The following STARD10 variants were observed in gnomAD, a reference collection of about 807,000 sequenced individuals.
STARD10 encodes the protein START domain-containing protein 10.
A neutral mutation model predicts 36.0 loss-of-function variants in STARD10; 24 were observed. The observed-to-expected ratio is 0.67, with a 90% CI of 0.48 to 0.94. The LOEUF (loss-of-function observed/expected upper bound fraction) is 0.94, where lower values mean the gene tolerates loss of function less well. Ranked by LOEUF, STARD10 falls within the 40% of genes least tolerant of loss-of-function variation. The probability of loss-of-function intolerance (pLI) is 0.00; values close to 1 mark genes in which losing one functional copy is unlikely to be tolerated. For missense variants in STARD10, 335 were observed against 396.6 expected (o/e 0.84, Z 1.32); for synonymous variants, 156 against 161.9 (o/e 0.96, Z 0.28).
intron 5 of STARD10, among the ~76,000 whole-genome samples, chr11:72,756,699 GA>G (rs1157341067): frequency 1.3e-5 from 2 of 152,040 alleles, no homozygotes; most frequent in Non-Finnish European, 2.9e-5. Context: ...GGGCAATGGA[GA>G]GCCACAGAGT....
chr11:72,784,156 A>G (rs370526557), intron 1 of STARD10, among the ~76,000 whole-genome samples: 1 of 152,328 alleles, frequency 6.6e-6, no homozygotes, highest in East Asian at 1.9e-4. Context: ...CTCAAACGTG[A>G]CAAAGCCCAT....
Position 72,755,046 on chromosome 11 carries a change from G to C in STARD10, c.727C>G (p.Pro243Ala). 6.2e-7 allele frequency: 1 copy of C among 1,613,258 alleles called. No individual in the cohort carries two copies. Among genetic ancestry groups the C allele is most frequent in the Non-Finnish European group, 8.5e-7 (1 of 1,179,716 alleles). Reference protein sequence around the residue: ...FKPWLHPEQSPLPSLALSELS... With the variant: ...FKPWLHPEQSALPSLALSELS... ...TCCGACAGCGCCAGGCTCGGCAACG[G>C]GCTCTGCTCCGGGTGCAGCCACGGC... is the stretch of plus-strand genomic sequence containing the variant. The change falls in exon 7 of 7, where the codon CCG (proline) becomes GCG (alanine). Residue 243 changes from proline (P) to alanine (A), a missense_variant. Coordinates refer to ENST00000334805, the MANE Select transcript of STARD10 (RefSeq NM_006645.3).
At chr11:72,771,292 G>A (rs1362111122) in intron 2 of STARD10, among the ~76,000 whole-genome samples, 1 of 152,304 alleles carries the variant, frequency 6.6e-6, no homozygotes, top group East Asian at 1.9e-4. Context: ...TTTTGAGGGT[G>A]TGTGTGGAGT....
intron 2 of STARD10, among the ~76,000 whole-genome samples, chr11:72,766,625 C>T (rs1463448943): frequency 6.6e-6 from 1 of 152,122 alleles, no homozygotes; most frequent in African/African-American, 2.4e-5. Context: ...CTCTCTCCCG[C>T]CCCCTGACTG....
At chr11:72,778,171 A>C (rs1278813815) in intron 2 of STARD10, among the ~76,000 whole-genome samples, 3 of 152,228 alleles carry the variant, frequency 2.0e-5, no homozygotes, top group Non-Finnish European at 4.4e-5. Context: ...GTTAAAGGCC[A>C]CAGTGTTGAC....
chr11:72,777,858 TG>T (rs1858946188), intron 2 of STARD10, among the ~76,000 whole-genome samples: 1 of 151,806 alleles, frequency 6.6e-6, no homozygotes, highest in Non-Finnish European at 1.5e-5. Context: ...ACCCCCACCC[TG>T]GGATCAGGAG....
chr11:72,779,444 T>G (rs188647949), intron 2 of STARD10, among the ~76,000 whole-genome samples: 118 of 152,160 alleles, frequency 7.8e-4, no homozygotes, highest in Non-Finnish European at 9.9e-4. Context: ...ATACAAAAAT[T>G]AGCTGAGTGT....
At chr11:72,764,145 C>A (rs1350319715) in intron 2 of STARD10, among the ~76,000 whole-genome samples, 1 of 152,194 alleles carries the variant, frequency 6.6e-6, no homozygotes, top group Non-Finnish European at 1.5e-5. Context: ...AACCCTGCTT[C>A]CCAGGTTAGA....
At chr11:72,774,482 C>T (rs1858905425) in intron 2 of STARD10, among the ~76,000 whole-genome samples, 1 of 152,168 alleles carries the variant, frequency 6.6e-6, no homozygotes, top group South Asian at 2.1e-4. Flanking sequence ...CCCTCTGCTG[C>T]CCATACTTTT....
rs1433571065 is a variant in STARD10, at chr11:72,758,585, G to A, written c.404C>T (p.Ser135Phe). The change falls in exon 4 of 7, where the codon TCC (serine) becomes TTC (phenylalanine). Residue 135 changes from serine (S) to phenylalanine (F), a missense_variant. Ser to Phe is a radical substitution (Grantham distance 155). Coordinates refer to ENST00000334805, the MANE Select transcript of STARD10 (RefSeq NM_006645.3). Reference protein sequence around the residue: ...LKNRDVITLRSWLPMGADYII... With the variant: ...LKNRDVITLRFWLPMGADYII... ...GTAATCAGCGCCCATGGGGAGCCAG[G>A]AGCGGAGGGTGATGACATCACGGTT... 2 of 1,613,994 alleles carry A rather than the reference G, an allele frequency of 1.2e-6. No homozygotes were observed. Among genetic ancestry groups the A allele is most frequent in the Non-Finnish European group, 1.7e-6 (2 of 1,180,034 alleles).
rs180994209 is a variant in STARD10 at position 72,793,077 on chromosome 11, T to G, written c.-316A>C. On this transcript the variant is annotated 5_prime_UTR_variant, in exon 1 of 7. Coordinates refer to ENST00000334805, the MANE Select transcript of STARD10 (RefSeq NM_006645.3). ...TACAGTCAGTCAATCTAAGCCTGTA[T>G]CCAACAAAGACACTGACCCCTGGGG... The G allele has an allele frequency of 6.6e-6, 1 of 152,354 alleles. No individual in the cohort carries two copies. Among genetic ancestry groups the G allele is most frequent in the East Asian group, 1.9e-4 (1 of 5,190 alleles). The allele number at this position is 152,354 out of a possible 1,614,324, so 9.4% of individuals were successfully genotyped here.
At chr11:72,756,564 C>A (rs1858647165) in intron 5 of STARD10, among the ~76,000 whole-genome samples, 1 of 152,070 alleles carries the variant, frequency 6.6e-6, no homozygotes, top group Non-Finnish European at 1.5e-5. Flanking sequence ...AGGTGACACC[C>A]ACAGCACCCC....
intron 2 of STARD10, among the ~76,000 whole-genome samples, 198 bp from the exon 3 acceptor site, chr11:72,759,579 C>T (rs746787683): frequency 2.6e-5 from 4 of 152,162 alleles, no homozygotes; most frequent in African/African-American, 9.7e-5. Context: ...AGGAGACAGA[C>T]AGCCTCTGTA....
In STARD10 at chr11:72,793,122, C is replaced by G. The variant is rs941264004; in HGVS notation, c.-361G>C. On this transcript the variant is annotated 5_prime_UTR_variant, in exon 1 of 7. Transcript: ENST00000334805. Reference sequence around the variant, plus strand: ...CTGGGGTACAAGGAAGGGCTCCAGGCCCAAAGGCAGGAGGATTAGGCTTTA... The same window carrying G: ...CTGGGGTACAAGGAAGGGCTCCAGGGCCAAAGGCAGGAGGATTAGGCTTTA... 6.6e-6 allele frequency: 1 copy of G among 152,258 alleles called. No homozygotes were observed. The highest frequency in any genetic ancestry group is 2.4e-5 in the African/African-American group (1 of 41,466). 9.4% of individuals were successfully genotyped at this position (152,258 alleles called of 1,614,324 possible).
intron 2 of STARD10, among the ~76,000 whole-genome samples, chr11:72,779,270 T>C (rs1278295027): frequency 6.6e-6 from 1 of 152,224 alleles, no homozygotes; most frequent in Non-Finnish European, 1.5e-5. Flanking sequence ...TGTTCCTTGG[T>C]TCTTTCCTCC....
chr11:72,758,779 C>T, intron 3 of STARD10, 146 bp from the exon 4 acceptor site: 1 of 625,040 alleles, frequency 1.6e-6, no homozygotes, highest in Non-Finnish European at 2.8e-6. Flanking sequence ...ACCACAGTCC[C>T]ACAGCTGGAG....
chr11:72,787,574 G>GA (rs1386469422), intron 1 of STARD10, among the ~76,000 whole-genome samples: 2 of 152,260 alleles, frequency 1.3e-5, no homozygotes, highest in African/African-American at 4.8e-5. Flanking sequence ...TGCCTGCTGG[G>GA]TCCTCCCGCT....
chr11:72,775,392 C>T (rs1011203203), intron 2 of STARD10, among the ~76,000 whole-genome samples: 1 of 152,130 alleles, frequency 6.6e-6, no homozygotes, highest in Non-Finnish European at 1.5e-5. Context: ...AGACTCAAGG[C>T]GTGGGGCCTC....
At chr11:72,757,145 C>CA (rs34839119) in intron 5 of STARD10, among the ~76,000 whole-genome samples, 115 of 102,098 alleles carry the variant, frequency 1.1e-3, no homozygotes, top group East Asian at 5.7e-3. Flanking sequence ...AACTCTGTCT[C>CA]AAAAAAAAAA....
Sources: gnomAD v4.1 joint callset for allele counts (sites outside exome capture counted in the v4.1 genomes callset) on GRCh38, gnomAD v4.1.1 for gene constraint, MANE v1.5 for transcripts, NCBI Gene and HGNC (gene_info 2026-07-23, HGNC 2026-07-21) for gene names.